Variants in RPS6KC1 observed in about 807,000 individuals in gnomAD.
RPS6KC1 encodes inactive ribosomal protein S6 kinase delta-1.
In RPS6KC1, 54 loss-of-function variants were observed where a neutral mutation model predicts 103.8. That is an observed-to-expected ratio of 0.52 (90% CI 0.42 to 0.65). RPS6KC1 has a LOEUF of 0.65. Among genes scored for constraint, RPS6KC1 ranks in the 30% least tolerant of loss-of-function variants. The pLI is 0.00. For missense variants in RPS6KC1, 1,151 were observed against 1,253.8 expected, an observed-to-expected ratio of 0.92 and a Z score of 1.24; for synonymous variants, 439 against 438.7, an observed-to-expected ratio of 1.00 and a Z score of -0.01.
At chr1:213,316,919 A>T in the RPS6KC1 span, among the ~76,000 whole-genome samples, 1 of 152,166 alleles carries the variant, frequency 6.6e-6, no homozygotes, top group Non-Finnish European at 1.5e-5. Context: ...GAAAGCCAGC[A>T]TGGCTGGGGC....
Position 213,167,327 on chromosome 1 carries a change from G to A in RPS6KC1, c.836-531G>A, listed in dbSNP as rs572112343. ...CAGAAATAAGAAGAGGGTTCTACTA[G>A]TAGTCTTTTGGGGGAAATTATCTCT... On this transcript the variant is annotated intron_variant, in intron 6 of 14. Transcript: ENST00000366960. Among the ~76,000 whole-genome samples the A allele has an allele frequency of 9.9e-5, 15 of 152,234 alleles. No individual in the cohort carries two copies. In the South Asian group the frequency reaches 2.9e-3, roughly 29 times the overall value.
At chr1:213,555,788 C>T in the RPS6KC1 span, among the ~76,000 whole-genome samples, 1 of 152,236 alleles carries the variant, frequency 6.6e-6, no homozygotes, top group Admixed American at 6.5e-5. Flanking sequence ...GTAAAATCAA[C>T]AGTTTCTTTC....
At chr1:213,113,874 A>G (rs2083292431) in intron 4 of RPS6KC1, among the ~76,000 whole-genome samples, 1 of 152,038 alleles carries the variant, frequency 6.6e-6, no homozygotes, top group Non-Finnish European at 1.5e-5. Context: ...AGTTGTAGAT[A>G]TGCGGCGTTA....
the RPS6KC1 span, among the ~76,000 whole-genome samples, chr1:213,709,593 GCTTTTATT>G: frequency 6.6e-6 from 1 of 150,588 alleles, no homozygotes; most frequent in African/African-American, 2.4e-5. Flanking sequence ...CCTTCTGCTA[GCTTTTATT>G]TGTGATTTTA....
At chr1:213,201,287 A>G (rs2093153772) in intron 8 of RPS6KC1, among the ~76,000 whole-genome samples, 1 of 152,252 alleles carries the variant, frequency 6.6e-6, no homozygotes, top group Non-Finnish European at 1.5e-5. Flanking sequence ...TAAAAAAGAA[A>G]TACCTATCAA....
At chr1:213,062,624 T>A (rs2077947512) in intron 1 of RPS6KC1, among the ~76,000 whole-genome samples, 1 of 151,986 alleles carries the variant, frequency 6.6e-6, no homozygotes, top group Non-Finnish European at 1.5e-5. Flanking sequence ...TGGTGCGATC[T>A]TGGCTCTCTG....
At chr1:213,190,138 T>G (rs1239842820) in intron 8 of RPS6KC1, among the ~76,000 whole-genome samples, 1 of 152,160 alleles carries the variant, frequency 6.6e-6, no homozygotes. Context: ...TTTCTTTGAT[T>G]TATTGATTTC....
chr1:213,610,372 G>A, the RPS6KC1 span, among the ~76,000 whole-genome samples: 3 of 152,154 alleles, frequency 2.0e-5, no homozygotes, highest in Non-Finnish European at 2.9e-5. Flanking sequence ...TCCCTGTTTG[G>A]TCAAGAACTA....
the RPS6KC1 span, among the ~76,000 whole-genome samples, chr1:213,823,887 T>G: frequency 6.6e-6 from 1 of 152,282 alleles, no homozygotes; most frequent in East Asian, 1.9e-4. Flanking sequence ...ATAAAGCAGG[T>G]GCAGATTTGA....
chr1:213,365,551 A>G, the RPS6KC1 span, among the ~76,000 whole-genome samples: 1 of 152,244 alleles, frequency 6.6e-6, no homozygotes, highest in African/African-American at 2.4e-5. Flanking sequence ...GGGGAGTGGT[A>G]TATCAAAACC....
chr1:213,612,596 TCA>T, the RPS6KC1 span, among the ~76,000 whole-genome samples: 6 of 152,240 alleles, frequency 3.9e-5, no homozygotes, highest in African/African-American at 1.4e-4. Context: ...GTCAAGTGTC[TCA>T]CATGTGTAGA....
intron 13 of RPS6KC1, 131 bp downstream of exon 13, chr1:213,261,771 T>A: frequency 1.4e-6 from 1 of 707,788 alleles, no homozygotes; most frequent in Non-Finnish European, 2.3e-6. Flanking sequence ...CGAAAGCAAG[T>A]AGAGAAATGC....
At chr1:213,485,206 A>G in the RPS6KC1 span, among the ~76,000 whole-genome samples, 1 of 152,156 alleles carries the variant, frequency 6.6e-6, no homozygotes, top group Admixed American at 6.6e-5. Context: ...CTGGGCAATT[A>G]TAAGCTCAAT....
At chr1:213,386,171 C>T in the RPS6KC1 span, among the ~76,000 whole-genome samples, 1 of 152,118 alleles carries the variant, frequency 6.6e-6, no homozygotes, top group South Asian at 2.1e-4. Flanking sequence ...TGGCACCTTT[C>T]CACTCTCTCT....
At chr1:213,206,984 G>A (rs755347649) in intron 8 of RPS6KC1, among the ~76,000 whole-genome samples, 1 of 152,082 alleles carries the variant, frequency 6.6e-6, no homozygotes, top group South Asian at 2.1e-4. Context: ...GCTGCTGTGC[G>A]CCTGTAATCC....
At chr1:213,222,463 G>T (rs969985778) in intron 8 of RPS6KC1, among the ~76,000 whole-genome samples, 3 of 152,128 alleles carry the variant, frequency 2.0e-5, no homozygotes, top group Non-Finnish European at 4.4e-5. Context: ...AAGCATCTCT[G>T]CATGGTCTGT....
chr1:213,197,081 C>T (rs1459782086), intron 8 of RPS6KC1, among the ~76,000 whole-genome samples: 1 of 152,180 alleles, frequency 6.6e-6, no homozygotes, highest in African/African-American at 2.4e-5. Flanking sequence ...AGGCGATCCA[C>T]CCGCCTCAGC....
chr1:213,828,447 G>A, the RPS6KC1 span, among the ~76,000 whole-genome samples: 1 of 152,176 alleles, frequency 6.6e-6, no homozygotes, highest in Non-Finnish European at 1.5e-5. Flanking sequence ...ACAGCAAGGG[G>A]GCCGGAAAAG....
chr1:213,646,606 A>T, the RPS6KC1 span, among the ~76,000 whole-genome samples: 1 of 152,258 alleles, frequency 6.6e-6, no homozygotes, highest in South Asian at 2.1e-4. Context: ...CCTGGAACAG[A>T]CAGAGACAAG....
Sources: gnomAD v4.1 joint callset for allele counts (sites outside exome capture counted in the v4.1 genomes callset) on GRCh38, gnomAD v4.1.1 for gene constraint, MANE v1.5 for transcripts, NCBI Gene and HGNC (gene_info 2026-07-23, HGNC 2026-07-21) for gene names.